The following MLPH variants were observed in gnomAD, a reference collection of about 807,000 sequenced individuals.
The protein encoded by MLPH is melanophilin.
MLPH carries 51 observed loss-of-function variants against 72.1 expected under a neutral mutation model. That is an observed-to-expected ratio of 0.71 (90% confidence interval 0.56 to 0.89). The LOEUF is 0.89. Among genes scored for constraint, MLPH ranks in the 40% least tolerant of loss-of-function variants. The pLI is 0.00. For missense variants in MLPH, 743 were observed against 759.9 expected (o/e 0.98, Z 0.26); for synonymous variants, 301 against 310.1 (o/e 0.97, Z 0.31).
At chr2:237,545,860 C>T (rs553322590) in intron 12 of MLPH, 1 of 199,958 alleles carries the variant, frequency 5.0e-6, no homozygotes, top group East Asian at 1.5e-4. Context: ...AGGACTTACA[C>T]TAAAAAAATT....
At chr2:237,509,863 T>G (rs1036465782) in intron 2 of MLPH, among the ~76,000 whole-genome samples, 3 of 152,228 alleles carry the variant, frequency 2.0e-5, no homozygotes, top group Non-Finnish European at 4.4e-5. Flanking sequence ...CAATGGCACC[T>G]AGTGTCCTTC....
rs2081099634 is a variant in MLPH, at chr2:237,554,923, T to TG, written c.*1334dup. On this transcript the variant is annotated 3_prime_UTR_variant, in exon 16 of 16. Transcript: ENST00000264605. ...CTCCTTGTGGCATCAGATAAAAACGTGGGAGTTTTTCCATATAATTCCCAG... is the reference window on the plus strand; with the variant it reads ...CTCCTTGTGGCATCAGATAAAAACGTGGGGAGTTTTTCCATATAATTCCCAG... 1 of 152,174 alleles carries TG rather than the reference T, an allele frequency of 6.6e-6. No homozygotes were observed. Among genetic ancestry groups the TG allele is most frequent in the Non-Finnish European group, 1.5e-5 (1 of 68,022 alleles). The allele number at this position is 152,174 out of a possible 1,614,324, so 9.4% of individuals were successfully genotyped here.
intron 1 of MLPH, among the ~76,000 whole-genome samples, chr2:237,489,077 C>G (rs1459404115): frequency 1.3e-5 from 2 of 152,180 alleles, no homozygotes; most frequent in African/African-American, 4.8e-5. Context: ...GATGGGGAAA[C>G]TAAGACCCTG....
At chr2:237,524,828 C>T (rs952465306) in intron 6 of MLPH, among the ~76,000 whole-genome samples, 2 of 152,200 alleles carry the variant, frequency 1.3e-5, no homozygotes, top group African/African-American at 4.8e-5. Flanking sequence ...TCCCAGCATC[C>T]CCTGGGCACA....
At chr2:237,524,591 C>A (rs2080261882) in intron 6 of MLPH, among the ~76,000 whole-genome samples, 1 of 152,134 alleles carries the variant, frequency 6.6e-6, no homozygotes, top group South Asian at 2.1e-4. Context: ...CCTTCCCCAG[C>A]CCACTGACTC....
At chr2:237,502,339 A>G (rs1255799853) in intron 2 of MLPH, among the ~76,000 whole-genome samples, 1 of 152,242 alleles carries the variant, frequency 6.6e-6, no homozygotes, top group Non-Finnish European at 1.5e-5. Context: ...TGTCCCCAGA[A>G]GAGCCCAGAA....
chr2:237,548,480 A>G (rs59549370), intron 13 of MLPH, among the ~76,000 whole-genome samples: 9,649 of 152,318 alleles, frequency 0.063, 1,035 homozygotes, highest in African/African-American at 0.22. Flanking sequence ...ACAGGGACCC[A>G]GGAATCGTGT....
intron 8 of MLPH, among the ~76,000 whole-genome samples, chr2:237,533,054 T>A (rs2106357226): frequency 6.6e-6 from 1 of 152,320 alleles, no homozygotes. Context: ...GATCACAGTG[T>A]ACATCCTCAC....
chr2:237,486,793 T>C (rs1204559969), upstream of MLPH: 1 of 152,258 alleles, frequency 6.6e-6, no homozygotes, highest in Non-Finnish European at 1.5e-5. Context: ...CTATTTATTA[T>C]TTGGCGTTGC....
intron 2 of MLPH, among the ~76,000 whole-genome samples, chr2:237,506,241 C>G (rs1200303070): frequency 6.6e-6 from 1 of 152,152 alleles, no homozygotes; most frequent in East Asian, 1.9e-4. Context: ...TTAAAAATAA[C>G]AGTAAACCCC....
At chr2:237,509,953 T>A (rs2079854579) in intron 2 of MLPH, 1 of 154,968 alleles carries the variant, frequency 6.5e-6, no homozygotes, top group African/African-American at 2.4e-5. Flanking sequence ...TTCTCTGAAA[T>A]CTAGAACAAA....
chr2:237,502,581 A>G (rs967446761), intron 2 of MLPH, among the ~76,000 whole-genome samples: 1 of 152,252 alleles, frequency 6.6e-6, no homozygotes, highest in Non-Finnish European at 1.5e-5. Context: ...AGGAAGAACT[A>G]GGAGACCATG....
At chr2:237,488,877 G>C (rs988193939) in intron 1 of MLPH, among the ~76,000 whole-genome samples, 2 of 152,206 alleles carry the variant, frequency 1.3e-5, no homozygotes, top group Non-Finnish European at 2.9e-5. Context: ...AGTCTCAGTG[G>C]TTGGGGCAGC....
In MLPH at chr2:237,505,641, G is replaced by A. The variant is rs1280581051; in HGVS notation, c.111-4933G>A. Among the ~76,000 whole-genome samples the A allele has an allele frequency of 6.6e-6, 1 of 152,208 alleles. No homozygotes were observed. The highest frequency in any genetic ancestry group is 2.4e-5 in the African/African-American group (1 of 41,456). ...ATTTCACCCCAAGAGGGGCAGAGCA[G>A]GGCACAGGTCTGACCCCTTCACCCT... On this transcript the variant is annotated intron_variant, in intron 2 of 15. Transcript: ENST00000264605. The surrounding 1 kb of genome is among the most constrained non-coding windows in gnomAD (Gnocchi z 4.5).
At chr2:237,550,381 C>G (rs72620833) in intron 14 of MLPH, among the ~76,000 whole-genome samples, 14,638 of 152,244 alleles carry the variant, frequency 0.096, 1,292 homozygotes, top group East Asian at 0.27. Context: ...AGCTGGTGCC[C>G]AGGGCCCTTT....
intron 1 of MLPH, among the ~76,000 whole-genome samples, chr2:237,490,750 C>T (rs1427714540): frequency 2.6e-5 from 4 of 151,960 alleles, no homozygotes; most frequent in African/African-American, 7.3e-5. Context: ...ACTTTTTGTT[C>T]CAATTCTTTA....
At chr2:237,504,543 G>A (rs2079723034) in intron 2 of MLPH, among the ~76,000 whole-genome samples, 1 of 152,222 alleles carries the variant, frequency 6.6e-6, no homozygotes, top group Admixed American at 6.5e-5. Context: ...TTAAGCCATG[G>A]AGTTGGTGGA....
chr2:237,509,712 G>A (rs528555587), intron 2 of MLPH, among the ~76,000 whole-genome samples: 1 of 152,244 alleles, frequency 6.6e-6, no homozygotes, highest in African/African-American at 2.4e-5. Flanking sequence ...AGTGGAGAGA[G>A]GAAAATCGTG....
chr2:237,504,375 C>A (rs1447485175), intron 2 of MLPH, among the ~76,000 whole-genome samples: 3 of 151,950 alleles, frequency 2.0e-5, no homozygotes, highest in Admixed American at 6.6e-5. Context: ...CACCACCACA[C>A]GGGGCTGATT....
Sources: gnomAD v4.1 joint callset for allele counts (sites outside exome capture counted in the v4.1 genomes callset) on GRCh38, gnomAD v4.1.1 for gene constraint, Gnocchi (gnomAD v3.1) non-coding constraint, MANE v1.5 for transcripts, NCBI Gene and HGNC (gene_info 2026-07-23, HGNC 2026-07-21) for gene names.